Variants in IL33 observed in about 807,000 individuals in gnomAD.
IL33 encodes the protein interleukin-33.
A neutral mutation model predicts 27.3 loss-of-function variants in IL33; 37 were observed. The ratio of observed to expected loss-of-function variants is 1.36; its 90% CI spans 1.04 to 1.78. IL33 has a LOEUF of 1.78. IL33 is among the 40% of genes most tolerant of loss of function. The pLI, the probability that IL33 is intolerant of heterozygous loss-of-function variation, is 0.00. For missense variants in IL33, 406 were observed against 311.4 expected (o/e 1.30, Z -2.29); for synonymous variants, 132 against 102.9 (o/e 1.28, Z -1.71).
At position 6,256,941 on chromosome 9, in the gene IL33, A is replaced by G. The variant is rs1816765158; in HGVS notation, c.*773A>G. ...GAGGAAGTGAAGTAAATTTTAGTTCAGACATAAAATTTCACTTATTAGGAA... is the reference window on the plus strand; with the variant it reads ...GAGGAAGTGAAGTAAATTTTAGTTCGGACATAAAATTTCACTTATTAGGAA... On this transcript the variant is annotated 3_prime_UTR_variant, in exon 8 of 8. Transcript: ENST00000682010. 6.6e-6 allele frequency: 1 copy of G among 152,204 alleles called. No individual in the cohort carries two copies. The highest frequency in any genetic ancestry group is 6.6e-5 in the Admixed American group (1 of 15,266). 9.4% of individuals were successfully genotyped at this position (152,204 alleles called of 1,614,324 possible).
chr9:6,228,969 G>A (rs1818790645), intron 1 of IL33, among the ~76,000 whole-genome samples: 1 of 152,158 alleles, frequency 6.6e-6, no homozygotes, highest in African/African-American at 2.4e-5. Context: ...TTGTCCTGCT[G>A]TAAGGTTAGT....
chr9:6,246,838 C>T (rs563194537), intron 2 of IL33, among the ~76,000 whole-genome samples: 3 of 152,188 alleles, frequency 2.0e-5, no homozygotes, highest in African/African-American at 7.2e-5. Flanking sequence ...ACCTCCAGAA[C>T]CAGACACCAA....
At chr9:6,230,028 T>C (rs1355219279) in intron 1 of IL33, among the ~76,000 whole-genome samples, 4 of 152,086 alleles carry the variant, frequency 2.6e-5, no homozygotes, top group South Asian at 2.1e-4. Context: ...AATTGAGGAA[T>C]GGTAAACAGT....
At chr9:6,253,412 C>A (rs1315307219) in intron 5 of IL33, 140 bp from the exon 6 acceptor site, 2 of 561,616 alleles carry the variant, frequency 3.6e-6, no homozygotes, top group South Asian at 3.1e-5. Flanking sequence ...TTTTTGAGAC[C>A]TTTCTCAAAA....
intron 1 of IL33, among the ~76,000 whole-genome samples, chr9:6,237,962 C>A (rs926152494): frequency 6.6e-6 from 1 of 152,164 alleles, no homozygotes; most frequent in African/African-American, 2.4e-5. Flanking sequence ...GGTTCCCTAT[C>A]TTATTATTCC....
At chr9:6,235,668 T>C (rs1193908396) in intron 1 of IL33, among the ~76,000 whole-genome samples, 1 of 152,152 alleles carries the variant, frequency 6.6e-6, no homozygotes, top group Non-Finnish European at 1.5e-5. Context: ...TTAAAATCAA[T>C]AATTTATAGA....
chr9:6,227,579 G>A (rs1818698496), intron 1 of IL33, among the ~76,000 whole-genome samples: 1 of 151,864 alleles, frequency 6.6e-6, no homozygotes, highest in Admixed American at 6.6e-5. Context: ...TATCTATTAG[G>A]CTTCCATGCA....
chr9:6,229,437 G>C (rs1818819248), intron 1 of IL33, among the ~76,000 whole-genome samples: 1 of 152,166 alleles, frequency 6.6e-6, no homozygotes, highest in African/African-American at 2.4e-5. Flanking sequence ...AGGCCAGCTG[G>C]AAAGTCAGCT....
At chr9:6,234,689 C>G (rs1035417422) in intron 1 of IL33, among the ~76,000 whole-genome samples, 2 of 152,200 alleles carry the variant, frequency 1.3e-5, no homozygotes, top group African/African-American at 2.4e-5. Flanking sequence ...ATTGCCCTCA[C>G]TAGGTCCTCA....
intron 1 of IL33, among the ~76,000 whole-genome samples, chr9:6,241,051 C>A (rs1819496901): frequency 6.6e-6 from 1 of 152,096 alleles, no homozygotes; most frequent in Non-Finnish European, 1.5e-5. Context: ...ATATCACTGT[C>A]TTTCACTTCC....
chr9:6,250,574 C>G lies in IL33; in HGVS notation c.192C>G (p.Thr64=), dbSNP rs772684214. ...KKEACYFRRE[T]TKRPSLKTGR... ...AGGCCTGTTACTTTAGGAGAGAAAC[C>G]ACCAAAAGGCCTTCACTGAAAACAG... The change falls in exon 3 of 8, where the codon ACC becomes ACG. Residue 64 remains threonine (T), a synonymous_variant. Coordinates refer to ENST00000682010, the MANE Select transcript of IL33 (RefSeq NM_033439.4). The G allele has an allele frequency of 6.2e-7, 1 of 1,613,814 alleles. No homozygotes were observed.
chr9:6,252,689 T>C (rs73398552), intron 4 of IL33, among the ~76,000 whole-genome samples, 177 bp from the exon 5 acceptor site: 7,604 of 152,282 alleles, frequency 0.05, 333 homozygotes, highest in African/African-American at 0.11. Flanking sequence ...TTTAATCCCA[T>C]TCAAGGGTCA....
rs77438271 is a variant in IL33 at position 6,249,138 on chromosome 9, T to A, written c.92-1336T>A. On this transcript the variant is annotated intron_variant, in intron 2 of 7. Coordinates refer to ENST00000682010, the MANE Select transcript of IL33 (RefSeq NM_033439.4). ...GAGAGTTCTAGAGTGGGTGTGAATA[T>A]AATTAAGTGGTCTCCCCTTATTAAA... Among the ~76,000 whole-genome samples, 7 of 152,356 alleles carry A rather than the reference T, an allele frequency of 4.6e-5. No homozygotes were observed. In the East Asian group the frequency reaches 9.6e-4, roughly 21 times the overall value.
intron 2 of IL33, among the ~76,000 whole-genome samples, chr9:6,244,552 T>C (rs1819711445): frequency 6.6e-6 from 1 of 152,232 alleles, no homozygotes; most frequent in Non-Finnish European, 1.5e-5. Context: ...ATAATGTGAA[T>C]GTCTGCTCTC....
At chr9:6,234,294 T>C (rs902922372) in intron 1 of IL33, among the ~76,000 whole-genome samples, 2 of 152,218 alleles carry the variant, frequency 1.3e-5, no homozygotes, top group Non-Finnish European at 1.5e-5. Flanking sequence ...GAAATGTCCA[T>C]ATAACTGTTC....
At position 6,257,011 on chromosome 9, in the gene IL33, C is replaced by A. The variant is rs1401799172; in HGVS notation, c.*843C>A. 6.6e-6 allele frequency: 1 copy of A among 151,346 alleles called. No homozygotes were observed. The highest frequency in any genetic ancestry group is 1.5e-5 in the Non-Finnish European group (1 of 67,926). The allele number at this position is 151,346 out of a possible 1,614,324, so 9.4% of individuals were successfully genotyped here. On this transcript the variant is annotated 3_prime_UTR_variant, in exon 8 of 8. Coordinates refer to ENST00000682010, the MANE Select transcript of IL33 (RefSeq NM_033439.4). ...TTTTTTTTTTTAAAGAGTACTGAGT[C>A]ACAACATGTTTTAGAGCATCCAAGT...
At chr9:6,246,882 A>G (rs1819889546) in intron 2 of IL33, among the ~76,000 whole-genome samples, 1 of 152,196 alleles carries the variant, frequency 6.6e-6, no homozygotes, top group African/African-American at 2.4e-5. Context: ...CACCCAGTCC[A>G]TGGTATTTTG....
intron 6 of IL33, among the ~76,000 whole-genome samples, chr9:6,253,959 G>A (rs1816571684): frequency 6.6e-6 from 1 of 152,132 alleles, no homozygotes; most frequent in African/African-American, 2.4e-5. Context: ...GAGTACTTGG[G>A]AGCATGACAA....
At chr9:6,242,809 G>A (rs1372623051) in intron 2 of IL33, 2 of 152,392 alleles carry the variant, frequency 1.3e-5, no homozygotes, top group Admixed American at 6.5e-5. Context: ...AAACAAAAGA[G>A]GTTTATTTGG....
Sources: gnomAD v4.1 joint callset for allele counts (sites outside exome capture counted in the v4.1 genomes callset) on GRCh38, gnomAD v4.1.1 for gene constraint, MANE v1.5 for transcripts, NCBI Gene and HGNC (gene_info 2026-07-23, HGNC 2026-07-21) for gene names.